Variants in PDE4D observed in about 807,000 individuals in gnomAD.
The protein encoded by PDE4D is 3',5'-cyclic-AMP phosphodiesterase 4D.
PDE4D carries 24 observed loss-of-function variants against 87.4 expected under a neutral mutation model. The observed-to-expected ratio is 0.27, with a 90% CI of 0.20 to 0.39. The LOEUF (loss-of-function observed/expected upper bound fraction) is 0.39, where lower values mean the gene tolerates loss of function less well. Among genes scored for constraint, PDE4D ranks in the 10% least tolerant of loss-of-function variants. The pLI is 1.00. For synonymous variants in PDE4D, 384 were observed against 383.2 expected (o/e 1.00, Z -0.02); for missense variants, 714 against 1,041.0 (o/e 0.69, Z 4.32).
intron 2 of PDE4D, among the ~76,000 whole-genome samples, chr5:59,203,978 A>G: frequency 6.6e-6 from 1 of 152,194 alleles, no homozygotes; most frequent in East Asian, 1.9e-4. Flanking sequence ...CATGCATAGT[A>G]TACCTGAAAA....
chr5:60,356,655 A>G (rs570365139), intron 1 of PDE4D, among the ~76,000 whole-genome samples: 1 of 152,288 alleles, frequency 6.6e-6, no homozygotes, highest in East Asian at 1.9e-4. Context: ...CCCCACTTTA[A>G]AAAGTTATTT....
chr5:60,014,738 T>A (rs1765356824), intron 2 of PDE4D, among the ~76,000 whole-genome samples: 1 of 152,160 alleles, frequency 6.6e-6, no homozygotes, highest in Non-Finnish European at 1.5e-5. Flanking sequence ...TGTGCCACCT[T>A]GGAAGAAAAG....
At chr5:59,067,668 C>T (rs1721478621) in intron 5 of PDE4D, among the ~76,000 whole-genome samples, 1 of 152,104 alleles carries the variant, frequency 6.6e-6, no homozygotes, top group South Asian at 2.1e-4. Flanking sequence ...TGATTTCACC[C>T]AATTTCCTGC....
intron 1 of PDE4D, among the ~76,000 whole-genome samples, chr5:59,286,618 G>A (rs973942622): frequency 2.6e-5 from 4 of 152,044 alleles, no homozygotes; most frequent in African/African-American, 7.2e-5. Context: ...TAGGAATCAC[G>A]ACTTTCAAAT....
chr5:60,011,427 C>A (rs751772993), intron 2 of PDE4D, among the ~76,000 whole-genome samples: 15 of 152,042 alleles, frequency 9.9e-5, no homozygotes, highest in Non-Finnish European at 1.6e-4. Context: ...TTGGCAAAAA[C>A]GAGAAGTCTG....
chr5:60,003,670 C>T (rs201702383), intron 2 of PDE4D, among the ~76,000 whole-genome samples: 3 of 146,528 alleles, frequency 2.0e-5, no homozygotes, highest in East Asian at 4.0e-4. Flanking sequence ...GATCATGCCA[C>T]TGCACTCCAG....
At chr5:59,229,212 C>T (rs546629898) in intron 1 of PDE4D, among the ~76,000 whole-genome samples, 8 of 152,212 alleles carry the variant, frequency 5.3e-5, no homozygotes, top group African/African-American at 1.4e-4. Context: ...CTCACACGTA[C>T]GAGTTGCTCA....
chr5:60,342,762 T>C (rs962076793), intron 1 of PDE4D, among the ~76,000 whole-genome samples: 1 of 152,164 alleles, frequency 6.6e-6, no homozygotes, highest in African/African-American at 2.4e-5. Flanking sequence ...GGTAAAAGTC[T>C]CTCAGAAGAG....
At chr5:60,374,875 A>T (rs1761312668) in intron 1 of PDE4D, among the ~76,000 whole-genome samples, 1 of 152,196 alleles carries the variant, frequency 6.6e-6, no homozygotes, top group African/African-American at 2.4e-5. Flanking sequence ...GCACATATAC[A>T]TATATATGTA....
intron 3 of PDE4D, among the ~76,000 whole-genome samples, chr5:59,939,518 T>G (rs555086824): frequency 6.6e-6 from 1 of 152,228 alleles, no homozygotes; most frequent in South Asian, 2.1e-4. Context: ...CCAAAGTCAG[T>G]GCCTTGAAGA....
At chr5:59,050,602 T>C (rs79321625) in intron 5 of PDE4D, among the ~76,000 whole-genome samples, 6,143 of 152,282 alleles carry the variant, frequency 0.04, 200 homozygotes, top group Admixed American at 0.068. Flanking sequence ...CTATGGAGAT[T>C]TAGATTTGGC....
intron 1 of PDE4D, among the ~76,000 whole-genome samples, chr5:59,286,575 G>A (rs1419864543): frequency 6.6e-6 from 1 of 152,122 alleles, no homozygotes; most frequent in Non-Finnish European, 1.5e-5. Context: ...ACATGACATT[G>A]AAATCATTAA....
chr5:59,580,323 GAA>G (rs1248920355), intron 1 of PDE4D, among the ~76,000 whole-genome samples: 1 of 152,156 alleles, frequency 6.6e-6, no homozygotes, highest in Non-Finnish European at 1.5e-5. Flanking sequence ...GAAATTCTCA[GAA>G]AGTTATATTG....
At chr5:60,121,743 T>C (rs1312579498) in intron 2 of PDE4D, among the ~76,000 whole-genome samples, 2 of 152,134 alleles carry the variant, frequency 1.3e-5, no homozygotes, top group African/African-American at 4.8e-5. Flanking sequence ...CCTCCAAATC[T>C]CACGTCCTCA....
At chr5:60,078,069 T>G (rs925740214) in intron 2 of PDE4D, among the ~76,000 whole-genome samples, 1 of 152,182 alleles carries the variant, frequency 6.6e-6, no homozygotes, top group Admixed American at 6.5e-5. Context: ...GTGGGAGATG[T>G]TCCTTCTGGC....
intron 1 of PDE4D, among the ~76,000 whole-genome samples, chr5:59,354,413 T>C (rs569865513): frequency 6.6e-6 from 1 of 152,306 alleles, no homozygotes; most frequent in Non-Finnish European, 1.5e-5. Flanking sequence ...TTAACACCTT[T>C]AATTCCAAGA....
chr5:59,680,523 TA>T (rs1449373190), intron 1 of PDE4D, among the ~76,000 whole-genome samples: 1 of 152,092 alleles, frequency 6.6e-6, no homozygotes, highest in Non-Finnish European at 1.5e-5. Flanking sequence ...ATTTATATAT[TA>T]AAACAAATTA....
chr5:59,092,423 T>G (rs1466908318), intron 5 of PDE4D, among the ~76,000 whole-genome samples: 1 of 152,214 alleles, frequency 6.6e-6, no homozygotes, highest in African/African-American at 2.4e-5. Context: ...CAGCATCTAT[T>G]AATCTGAAGA....
At position 58,993,416 on chromosome 5, in the gene PDE4D, C is replaced by G; in HGVS notation, c.971G>C (p.Arg324Pro). ...AAACTCTGACACTTGATTTCCAGAC[C>G]GACTCATTTCAGAGAGATGGGTGAG... Reference protein sequence around the residue: ...RELTHLSEMSRSGNQVSEFIS... With the variant: ...RELTHLSEMSPSGNQVSEFIS... Residue 324 changes from arginine to proline, a missense_variant, in exon 7 of 15, where the codon CGG (arginine) becomes CCG (proline). By Grantham distance (103) the Arg-to-Pro change is moderately radical (BLOSUM62 -2). Coordinates refer to ENST00000340635, the MANE Select transcript of PDE4D (RefSeq NM_001104631.2). The G allele has an allele frequency of 6.3e-7, 1 of 1,599,098 alleles. No individual in the cohort carries two copies. The highest frequency in any genetic ancestry group is 8.5e-7 in the Non-Finnish European group (1 of 1,173,624).
Sources: gnomAD v4.1 joint callset for allele counts (sites outside exome capture counted in the v4.1 genomes callset) on GRCh38, gnomAD v4.1.1 for gene constraint, MANE v1.5 for transcripts, NCBI Gene and HGNC (gene_info 2026-07-23, HGNC 2026-07-21) for gene names.